The following CREB5 variants were observed in gnomAD, a reference collection of about 807,000 sequenced individuals.
The protein encoded by CREB5 is cAMP responsive element binding protein 5.
In CREB5, 19 loss-of-function variants were observed where a neutral mutation model predicts 57.1. The ratio of observed to expected loss-of-function variants is 0.33; its 90% confidence interval spans 0.23 to 0.49. The LOEUF (loss-of-function observed/expected upper bound fraction) is 0.49, where lower values mean the gene tolerates loss of function less well. Ranked by LOEUF, CREB5 falls within the 20% of genes least tolerant of loss-of-function variation. CREB5 has a pLI of 0.99. For synonymous variants in CREB5, 238 were observed against 238.3 expected, an observed-to-expected ratio of 1.00 and a Z score of 0.01; for missense variants, 579 against 671.6, an observed-to-expected ratio of 0.86 and a Z score of 1.52.
At chr7:28,384,057 C>A (rs1363619241) in intron 1 of CREB5, among the ~76,000 whole-genome samples, 1 of 152,122 alleles carries the variant, frequency 6.6e-6, no homozygotes, top group African/African-American at 2.4e-5. Context: ...CCCATGGGAG[C>A]TGTTCCTTGT....
Position 28,491,894 on chromosome 7 carries a change from G to A in CREB5, c.76-3012G>A, listed in dbSNP as rs896769043. ...TATAAGTTATCACTGCTTGCACTGT[G>A]CTAGGGGTGAAGAAATGATTTTTTT... is the stretch of plus-strand genomic sequence containing the variant. On this transcript the variant is annotated intron_variant, in intron 2 of 10. Transcript: ENST00000357727. Among the ~76,000 whole-genome samples the A allele has an allele frequency of 9.2e-5, 14 of 152,356 alleles. 2 individuals carry two copies. The highest frequency in any genetic ancestry group is 3.1e-4 in the African/African-American group (13 of 41,594).
chr7:28,673,795 T>C (rs1223221787), intron 5 of CREB5, among the ~76,000 whole-genome samples: 4 of 147,706 alleles, frequency 2.7e-5, no homozygotes, highest in Non-Finnish European at 4.4e-5. Context: ...CTACTCAGCC[T>C]CCCAAGTAGC....
At chr7:28,792,021 TA>T (rs949722614) in intron 7 of CREB5, among the ~76,000 whole-genome samples, 1 of 152,112 alleles carries the variant, frequency 6.6e-6, no homozygotes, top group Non-Finnish European at 1.5e-5. Flanking sequence ...ATGTGCCAAA[TA>T]GGATGGGTGT....
intron 1 of CREB5, among the ~76,000 whole-genome samples, chr7:28,380,849 G>A (rs1786953206): frequency 2.0e-5 from 3 of 152,142 alleles, no homozygotes; most frequent in Admixed American, 6.5e-5. Flanking sequence ...GTACTACCTC[G>A]TGGGGTTGTT....
chr7:28,360,064 T>C (rs1409071935), intron 1 of CREB5, among the ~76,000 whole-genome samples: 2 of 152,218 alleles, frequency 1.3e-5, no homozygotes, highest in East Asian at 3.9e-4. Flanking sequence ...TCTCAAAAGA[T>C]GAAAGATAAT....
intron 1 of CREB5, among the ~76,000 whole-genome samples, chr7:28,437,901 G>A (rs1297076505): frequency 6.6e-6 from 1 of 152,140 alleles, no homozygotes; most frequent in Non-Finnish European, 1.5e-5. Flanking sequence ...AAAGACGATG[G>A]AGACATTTGC....
Position 28,809,496 on chromosome 7 carries a change from C to T in CREB5, c.1254+82C>T, listed in dbSNP as rs1007805136. ...TCCGGCCCTGACAGGCACTTGTTGA[C>T]CTAAGCAGTGATACCACACACTTAG... On this transcript the variant is annotated intron_variant, in intron 9 of 10. Transcript: ENST00000357727. The T allele has an allele frequency of 3.1e-6, 4 of 1,297,000 alleles. No individual in the cohort carries two copies. The Admixed American group carries it at 6.8e-5, about 22-fold the overall frequency. 80.3% of individuals were successfully genotyped at this position (1,297,000 alleles called of 1,614,324 possible).
In CREB5 at chr7:28,822,258, C is replaced by G. The variant is rs1404676221; in HGVS notation, c.*2979C>G. On this transcript the variant is annotated 3_prime_UTR_variant, in exon 11 of 11. Transcript: ENST00000357727. ...GAAAGATTCCAACTAGTTGTCAGTG[C>G]TTCTTGAAATTCCAAACAGAAAGAT... 6.6e-6 allele frequency: 1 copy of G among 152,180 alleles called. No individual in the cohort carries two copies. The highest frequency in any genetic ancestry group is 1.9e-4 in the East Asian group (1 of 5,200). The allele number at this position is 152,180 out of a possible 1,614,324, so 9.4% of individuals were successfully genotyped here. A position where few individuals can be genotyped will look rare whatever the true frequency, so the allele number is the denominator to read the frequency against.
In CREB5 at chr7:28,302,220, A is replaced by G. The variant is rs116588759; in HGVS notation, c.-25+2779A>G. On this transcript the variant is annotated intron_variant, in intron 1 of 9. Coordinates refer to the CREB5 transcript ENST00000396299. ...TTTAAAGCACCAAATAAATAGCTGC[A>G]TCACATTAAGTATTTCATTAATAAT... Among the ~76,000 whole-genome samples the G allele has an allele frequency of 2.8e-3, 430 of 152,362 alleles. 3 individuals carry two copies. The highest frequency in any genetic ancestry group is 9.8e-3 in the African/African-American group (408 of 41,578).
chr7:28,358,317 C>T (rs1189673475), intron 1 of CREB5, among the ~76,000 whole-genome samples: 2 of 152,176 alleles, frequency 1.3e-5, no homozygotes, highest in Non-Finnish European at 1.5e-5. Flanking sequence ...CTCAGATCTC[C>T]CACTGTCCCA....
intron 1 of CREB5, among the ~76,000 whole-genome samples, chr7:28,422,218 G>C (rs1328648548): frequency 1.3e-5 from 2 of 152,094 alleles, no homozygotes; most frequent in African/African-American, 4.8e-5. Context: ...CTGTGCTTCG[G>C]GGAAAAACAG....
At chr7:28,339,233 C>G (rs1785885753) in intron 1 of CREB5, among the ~76,000 whole-genome samples, 1 of 152,084 alleles carries the variant, frequency 6.6e-6, no homozygotes, top group South Asian at 2.1e-4. Context: ...TGAAGTCTCA[C>G]AGTATGGGCA....
intron 4 of CREB5, among the ~76,000 whole-genome samples, chr7:28,552,563 C>T (rs1390733485): frequency 2.0e-5 from 3 of 152,168 alleles, no homozygotes; most frequent in South Asian, 2.1e-4. Context: ...CAGCAGATAG[C>T]AACTCATCTG....
chr7:28,804,429 T>G lies in CREB5; in HGVS notation c.933T>G (p.His311Gln). 1.2e-6 allele frequency: 2 copies of G among 1,613,464 alleles called. No homozygotes were observed. The highest frequency in any genetic ancestry group is 1.7e-6 in the Non-Finnish European group (2 of 1,179,948). Residue 311 changes from histidine to glutamine, a missense_variant, in exon 8 of 11, where the codon CAT becomes CAG. Physicochemically the swap from His to Gln is conservative, Grantham distance 24. This residue lies in a region of CREB5 where 459 missense variants were observed against 515.7 expected (regional missense o/e 0.89). Coordinates refer to ENST00000357727, the MANE Select transcript of CREB5 (RefSeq NM_182898.4). ...CTCAACCCCATCACCAGCAGAACCATCCACATCACCACTCCCATTCCCACC... is the reference window on the plus strand; with the variant it reads ...CTCAACCCCATCACCAGCAGAACCAGCCACATCACCACTCCCATTCCCACC... ...PHPQPHHQQN[H>Q]PHHHSHSHLH...
rs189267987 is a variant in CREB5, at chr7:28,468,582, T to C, written c.4-19593T>C. Among the ~76,000 whole-genome samples, 396 of 152,336 alleles carry C rather than the reference T, an allele frequency of 2.6e-3. 2 individuals carry two copies. The highest frequency in any genetic ancestry group is 3.8e-3 in the Non-Finnish European group (258 of 68,036). On this transcript the variant is annotated intron_variant, in intron 1 of 10. Transcript: ENST00000357727. Reference sequence around the variant, plus strand: ...GAGGTGCTAAGAATAATAGCATTTCTAGTTCTCCTTTGTTAAATCCTGACT... The same window carrying C: ...GAGGTGCTAAGAATAATAGCATTTCCAGTTCTCCTTTGTTAAATCCTGACT...
intron 9 of CREB5, among the ~76,000 whole-genome samples, chr7:28,811,545 T>C (rs1170319462): frequency 6.6e-6 from 1 of 152,096 alleles, no homozygotes; most frequent in Non-Finnish European, 1.5e-5. Context: ...TGGCTAATTT[T>C]TTTTCTCTAG....
rs529733812 is a variant in CREB5 at position 28,823,492 on chromosome 7, T to C, written c.*4213T>C. 1.3e-5 allele frequency: 2 copies of C among 152,798 alleles called. No homozygotes were observed. The highest frequency in any genetic ancestry group is 4.1e-4 in the South Asian group (2 of 4,830). The allele number at this position is 152,798 out of a possible 1,614,324, so 9.5% of individuals were successfully genotyped here. ...CAAATGGCTATTCTCCATCATTTGG[T>C]GGAAATGTTTGCTTAGATCTCTGTG... On this transcript the variant is annotated 3_prime_UTR_variant, in exon 11 of 11. Transcript: ENST00000357727.
rs905230738 is a variant in CREB5 at position 28,718,025 on chromosome 7, C to T, written c.465-728C>T. Among the ~76,000 whole-genome samples the T allele has an allele frequency of 2.0e-5, 3 of 152,322 alleles. No homozygotes were observed. The South Asian group carries it at 6.2e-4, about 32-fold the overall frequency. On this transcript the variant is annotated intron_variant, in intron 5 of 10. Transcript: ENST00000357727. ...TGGCAAATTGAAGCAAAAGCTCAAA[C>T]TATGTACAATACTCCCCCGAGGAGT... is the stretch of plus-strand genomic sequence containing the variant.
At chr7:28,425,561 A>G (rs779399883) in intron 1 of CREB5, among the ~76,000 whole-genome samples, 6 of 152,222 alleles carry the variant, frequency 3.9e-5, no homozygotes, top group Admixed American at 3.9e-4. Context: ...ATTAGATTGC[A>G]TGCTTTAAGT....
Sources: allele counts gnomAD v4.1 joint callset (sites outside exome capture counted in the v4.1 genomes callset), GRCh38; gene constraint gnomAD v4.1.1; regional missense constraint gnomAD v4.1.1; transcripts MANE v1.5; gene names NCBI Gene and HGNC (gene_info 2026-07-23, HGNC 2026-07-21).